Variants in FBLN7 observed in about 807,000 individuals in gnomAD.
FBLN7 encodes fibulin-7.
In FBLN7, 31 loss-of-function variants were observed where a neutral mutation model predicts 44.0. The ratio of observed to expected loss-of-function variants is 0.70; its 90% confidence interval spans 0.53 to 0.95. FBLN7 has a LOEUF of 0.95. Among genes scored for constraint, FBLN7 ranks in the 40% least tolerant of loss-of-function variants. FBLN7 has a pLI of 0.00. For synonymous variants in FBLN7, 262 were observed against 253.4 expected (o/e 1.03, Z -0.32); for missense variants, 573 against 618.5 (o/e 0.93, Z 0.78).
At chr2:112,176,559 T>G (rs1682747268) in intron 4 of FBLN7, 1 of 152,274 alleles carries the variant, frequency 6.6e-6, no homozygotes, top group South Asian at 2.1e-4. Context: ...GCTAGTGCAG[T>G]GTCCAGTGGA....
chr2:112,202,768 G>A, the FBLN7 span, among the ~76,000 whole-genome samples: 1 of 152,126 alleles, frequency 6.6e-6, no homozygotes, highest in Non-Finnish European at 1.5e-5. Flanking sequence ...TGAAAGCCCT[G>A]CAACCTTAAC....
At chr2:112,178,931 A>G (rs1166527805) in intron 4 of FBLN7, among the ~76,000 whole-genome samples, 2 of 152,214 alleles carry the variant, frequency 1.3e-5, no homozygotes, top group African/African-American at 4.8e-5. Flanking sequence ...CTGGCATAAG[A>G]CAGGGATGCC....
the FBLN7 span, among the ~76,000 whole-genome samples, chr2:112,193,787 T>C: frequency 6.6e-6 from 1 of 152,092 alleles, no homozygotes; most frequent in African/African-American, 2.4e-5. Flanking sequence ...AATGAGGTAG[T>C]GGTGTAAAGC....
the FBLN7 span, among the ~76,000 whole-genome samples, chr2:112,232,231 A>C: frequency 2.0e-5 from 3 of 147,652 alleles, no homozygotes; most frequent in Admixed American, 7.0e-5. Context: ...CACCAAAATC[A>C]TTTGAACCTG....
intron 2 of FBLN7, 36 bp downstream of exon 2, chr2:112,159,871 G>A (rs1013387246): frequency 6.7e-6 from 10 of 1,486,510 alleles, no homozygotes; most frequent in Admixed American, 2.3e-5. Flanking sequence ...GGGCGGCAGC[G>A]CAGCACTCGA....
At chr2:112,207,617 G>T in the FBLN7 span, among the ~76,000 whole-genome samples, 1 of 152,110 alleles carries the variant, frequency 6.6e-6, no homozygotes, top group Non-Finnish European at 1.5e-5. Context: ...AAGGAGTGTT[G>T]AAGTTACCAA....
chr2:112,198,130 C>T, the FBLN7 span, among the ~76,000 whole-genome samples: 1 of 152,162 alleles, frequency 6.6e-6, no homozygotes, highest in Non-Finnish European at 1.5e-5. Context: ...CTCTTCCAGG[C>T]CTGCTGTCTC....
the FBLN7 span, among the ~76,000 whole-genome samples, chr2:112,241,347 T>G: frequency 3.3e-3 from 495 of 152,212 alleles, 6 homozygotes; most frequent in African/African-American, 0.011. Context: ...GTACTAAATC[T>G]TCCATGGGCT....
At chr2:112,216,928 G>T in the FBLN7 span, among the ~76,000 whole-genome samples, 14 of 152,120 alleles carry the variant, frequency 9.2e-5, no homozygotes, top group African/African-American at 3.4e-4. Context: ...TAAAATGACA[G>T]AAACTAAACC....
Position 112,181,783 on chromosome 2 carries a change from G to A in FBLN7, c.577G>A (p.Ala193Thr). Reference sequence around the variant, plus strand: ...GGCCGGCGACTCCGCCTTCAGCCGCGCGCCGCGCTGTGCGCAGGTGGAGCG... The same window carrying A: ...GGCCGGCGACTCCGCCTTCAGCCGCACGCCGCGCTGTGCGCAGGTGGAGCG... Reference protein sequence around the residue: ...SVAGDSAFSRAPRCAQVERAQ... With the variant: ...SVAGDSAFSRTPRCAQVERAQ... Residue 193 changes from alanine (A) to threonine (T), a missense_variant, in exon 5 of 8, where the codon GCG (alanine) becomes ACG (threonine). By Grantham distance (58) the Ala-to-Thr change is moderately conservative. Transcript: ENST00000331203. 6.9e-7 allele frequency: 1 copy of A among 1,450,444 alleles called. No homozygotes were observed. The allele number at this position is 1,450,444 out of a possible 1,614,324, so 89.8% of individuals were successfully genotyped here. A position where few individuals can be genotyped will look rare whatever the true frequency, so the allele number is the denominator to read the frequency against.
intron 1 of FBLN7, among the ~76,000 whole-genome samples, chr2:112,158,862 A>G (rs1681573723): frequency 6.6e-6 from 1 of 152,206 alleles, no homozygotes; most frequent in Non-Finnish European, 1.5e-5. Flanking sequence ...GGCATGAGCC[A>G]CCGTACCCGG....
chr2:112,163,517 G>A (rs1351149596), intron 2 of FBLN7, among the ~76,000 whole-genome samples: 3 of 152,226 alleles, frequency 2.0e-5, no homozygotes, highest in East Asian at 1.9e-4. Flanking sequence ...TCGCCCATGC[G>A]TGATGCTCTG....
intron 2 of FBLN7, among the ~76,000 whole-genome samples, chr2:112,163,327 T>A (rs1681977063): frequency 6.6e-6 from 1 of 152,238 alleles, no homozygotes; most frequent in South Asian, 2.1e-4. Flanking sequence ...GGATGCTCAG[T>A]GACTCTGTCA....
chr2:112,208,501 G>A, the FBLN7 span, among the ~76,000 whole-genome samples: 2 of 152,182 alleles, frequency 1.3e-5, no homozygotes, highest in African/African-American at 2.4e-5. Context: ...ATGTAATTGA[G>A]TTATTATGTC....
In FBLN7 at chr2:112,182,894, A is replaced by T; in HGVS notation, c.774A>T (p.Gly258=). 2 of 1,613,022 alleles carry T rather than the reference A, an allele frequency of 1.2e-6. No individual in the cohort carries two copies. The highest frequency in any genetic ancestry group is 1.7e-6 in the Non-Finnish European group (2 of 1,179,850). ...CTTACCGTTGCACCTGCCCCGGTGG[A>T]TACCGAACTCTGGCTGACGGGAAGA... ...PGSYRCTCPG[G]YRTLADGKSC... The change falls in exon 6 of 8, where the codon GGA becomes GGT. Residue 258 remains glycine (G), a synonymous_variant. Coordinates refer to ENST00000331203, the MANE Select transcript of FBLN7 (RefSeq NM_153214.3).
chr2:112,221,993 G>A, the FBLN7 span, among the ~76,000 whole-genome samples: 1 of 152,142 alleles, frequency 6.6e-6, no homozygotes. Context: ...TATATCGGCT[G>A]ATGTTCTTCA....
intron 2 of FBLN7, among the ~76,000 whole-genome samples, chr2:112,163,424 T>C (rs1433599684): frequency 1.3e-5 from 2 of 152,272 alleles, no homozygotes; most frequent in African/African-American, 4.8e-5. Context: ...GGAATTTACC[T>C]TAAATGCATT....
intron 3 of FBLN7, among the ~76,000 whole-genome samples, chr2:112,175,470 G>C (rs1682693358): frequency 6.6e-6 from 1 of 152,236 alleles, no homozygotes; most frequent in Non-Finnish European, 1.5e-5. Flanking sequence ...CAGAGCCCCA[G>C]GTGGGCAGTG....
At chr2:112,243,389 T>G in the FBLN7 span, among the ~76,000 whole-genome samples, 2 of 152,364 alleles carry the variant, frequency 1.3e-5, no homozygotes, top group Admixed American at 6.5e-5. Context: ...CCAGGCAATG[T>G]ATATGCTCAA....
Sources: allele counts gnomAD v4.1 joint callset (sites outside exome capture counted in the v4.1 genomes callset), GRCh38; gene constraint gnomAD v4.1.1; transcripts MANE v1.5; gene names NCBI Gene and HGNC (gene_info 2026-07-23, HGNC 2026-07-21).